CNTNAP2: variants seen among roughly 807,000 people sequenced by gnomAD.
CNTNAP2 encodes the protein contactin-associated protein-like 2.
In CNTNAP2, 98 loss-of-function variants were observed where a neutral mutation model predicts 155.2. That is an observed-to-expected ratio of 0.63 (90% CI 0.54 to 0.75). CNTNAP2 has a LOEUF of 0.75. CNTNAP2 is among the 30% of genes least tolerant of loss of function. The pLI, the probability that CNTNAP2 is intolerant of heterozygous loss-of-function variation, is 0.00. For missense variants in CNTNAP2, 1,727 were observed against 1,688.1 expected (o/e 1.02, Z -0.40); for synonymous variants, 651 against 631.2 (o/e 1.03, Z -0.47).
At chr7:147,052,630 T>C (rs982553303) in intron 4 of CNTNAP2, among the ~76,000 whole-genome samples, 2 of 152,094 alleles carry the variant, frequency 1.3e-5, no homozygotes, top group Non-Finnish European at 2.9e-5. Context: ...TAACTTGTAT[T>C]ATTATTTCTG....
chr7:147,223,061 G>C (rs539711253), intron 8 of CNTNAP2, among the ~76,000 whole-genome samples: 7 of 152,246 alleles, frequency 4.6e-5, no homozygotes, highest in African/African-American at 1.4e-4. Context: ...AATATTTGCT[G>C]TGAAAACCTG....
At chr7:146,957,056 A>G (rs889757693) in intron 3 of CNTNAP2, among the ~76,000 whole-genome samples, 4 of 152,162 alleles carry the variant, frequency 2.6e-5, no homozygotes, top group African/African-American at 9.7e-5. Flanking sequence ...GTATGTTCCA[A>G]GAAATGTGTC....
chr7:146,321,985 A>T (rs942414745), intron 1 of CNTNAP2, among the ~76,000 whole-genome samples: 2 of 152,168 alleles, frequency 1.3e-5, no homozygotes. Context: ...ATGAAAAAAA[A>T]TTCAGGGAAA....
chr7:147,676,473 GTAAC>G (rs1403608840), intron 13 of CNTNAP2, among the ~76,000 whole-genome samples: 6 of 152,056 alleles, frequency 3.9e-5, no homozygotes, highest in African/African-American at 1.4e-4. Flanking sequence ...CTAGGTCTAG[GTAAC>G]TAACATATGC....
chr7:147,623,482 A>C (rs1055364404), intron 12 of CNTNAP2, among the ~76,000 whole-genome samples: 1 of 152,116 alleles, frequency 6.6e-6, no homozygotes, highest in African/African-American at 2.4e-5. Flanking sequence ...TGAAACAAAA[A>C]AATCAAAATG....
At chr7:147,660,704 A>T (rs182337942) in intron 13 of CNTNAP2, among the ~76,000 whole-genome samples, 45 of 152,326 alleles carry the variant, frequency 3.0e-4, no homozygotes, top group Admixed American at 1.7e-3. Flanking sequence ...GAGGTTAAAA[A>T]ATAAGACCTG....
intron 13 of CNTNAP2, among the ~76,000 whole-genome samples, chr7:147,831,097 G>T (rs1464967613): frequency 6.6e-6 from 1 of 151,922 alleles, no homozygotes; most frequent in African/African-American, 2.4e-5. Context: ...AAATATGCCT[G>T]GTAATATGAG....
chr7:148,229,721 C>T lies in CNTNAP2; in HGVS notation c.3323C>T (p.Ala1108Val), dbSNP rs1359189375. 2 of 1,614,124 alleles carry T rather than the reference C, an allele frequency of 1.2e-6. No individual in the cohort carries two copies. The highest frequency in any genetic ancestry group is 4.5e-5 in the East Asian group (2 of 44,878). ...YNIDVDHRNM[A>V]NGQPHSVNIT... ...ATTGACGTAGACCACAGGAACATGG[C>T]CAATGGACAGCCCCACAGTGTCAAC... Residue 1108 changes from alanine to valine, a missense_variant, in exon 20 of 24, where the codon GCC (alanine) becomes GTC (valine). Ala to Val is a moderately conservative substitution (Grantham distance 64). Transcript: ENST00000361727.
intron 1 of CNTNAP2, among the ~76,000 whole-genome samples, chr7:146,685,968 A>G (rs764837122): frequency 3.3e-5 from 5 of 152,230 alleles, no homozygotes; most frequent in Middle Eastern, 3.4e-3. Flanking sequence ...TCTATTTAAT[A>G]ACACTTAGTG....
At chr7:146,564,885 T>C (rs1798333521) in intron 1 of CNTNAP2, among the ~76,000 whole-genome samples, 1 of 152,096 alleles carries the variant, frequency 6.6e-6, no homozygotes, top group East Asian at 1.9e-4. Flanking sequence ...AAGCAAAGTA[T>C]GATCTCTTAT....
At chr7:147,151,091 C>G (rs1285838256) in intron 8 of CNTNAP2, among the ~76,000 whole-genome samples, 1 of 152,070 alleles carries the variant, frequency 6.6e-6, no homozygotes. Flanking sequence ...AAGAGAAGGC[C>G]AAAGCTTAAA....
At chr7:147,255,852 C>T (rs1242055595) in intron 8 of CNTNAP2, among the ~76,000 whole-genome samples, 1 of 152,106 alleles carries the variant, frequency 6.6e-6, no homozygotes, top group African/African-American at 2.4e-5. Flanking sequence ...ATTCTCATTC[C>T]TCAGCCACCA....
At chr7:147,126,230 T>C (rs571402647) in intron 6 of CNTNAP2, among the ~76,000 whole-genome samples, 130 of 152,266 alleles carry the variant, frequency 8.5e-4, no homozygotes, top group African/African-American at 2.8e-3. Flanking sequence ...TATGTAGAGG[T>C]ATCCAATAGT....
At chr7:147,120,539 T>C (rs1371238727) in intron 5 of CNTNAP2, among the ~76,000 whole-genome samples, 1 of 152,198 alleles carries the variant, frequency 6.6e-6, no homozygotes, top group Non-Finnish European at 1.5e-5. Flanking sequence ...AAAAGCACTT[T>C]TTTCCATGTT....
intron 1 of CNTNAP2, among the ~76,000 whole-genome samples, chr7:146,686,961 G>C (rs371857631): frequency 3.9e-5 from 6 of 152,104 alleles, no homozygotes; most frequent in African/African-American, 1.4e-4. Context: ...GCACTATGTT[G>C]ATGATATTTC....
intron 18 of CNTNAP2, among the ~76,000 whole-genome samples, chr7:148,203,818 C>A (rs192463656): frequency 6.6e-6 from 1 of 152,162 alleles, no homozygotes; most frequent in African/African-American, 2.4e-5. Context: ...GCAAAACAAG[C>A]CAGAGGGGTC....
chr7:146,885,323 A>G (rs1214725946), intron 3 of CNTNAP2, among the ~76,000 whole-genome samples: 1 of 152,206 alleles, frequency 6.6e-6, no homozygotes, highest in Non-Finnish European at 1.5e-5. Context: ...AAAATGAATT[A>G]TTAACAAGTT....
chr7:146,483,222 G>C (rs1383042459), intron 1 of CNTNAP2, among the ~76,000 whole-genome samples: 1 of 142,740 alleles, frequency 7.0e-6, no homozygotes, highest in East Asian at 2.2e-4. Context: ...CTTGCAGTGA[G>C]CCAAGATCGC....
chr7:146,404,746 C>T (rs1214269335), intron 1 of CNTNAP2, among the ~76,000 whole-genome samples: 2 of 152,064 alleles, frequency 1.3e-5, no homozygotes, highest in African/African-American at 4.8e-5. Flanking sequence ...AGCCCACTTG[C>T]CATGCTTCTT....
Sources: allele counts gnomAD v4.1 joint callset (sites outside exome capture counted in the v4.1 genomes callset), GRCh38; gene constraint gnomAD v4.1.1; transcripts MANE v1.5; gene names NCBI Gene and HGNC (gene_info 2026-07-23, HGNC 2026-07-21).